CDH12: variants seen among roughly 807,000 people sequenced by gnomAD.
CDH12 encodes cadherin-12.
A neutral mutation model predicts 74.1 loss-of-function variants in CDH12; 41 were observed. The observed-to-expected ratio is 0.55, with a 90% confidence interval of 0.43 to 0.72. The LOEUF (loss-of-function observed/expected upper bound fraction) is 0.72. CDH12 is among the 30% of genes least tolerant of loss of function. The pLI, the probability that CDH12 is intolerant of heterozygous loss-of-function variation, is 0.00. For synonymous variants in CDH12, 399 were observed against 355.0 expected (o/e 1.12, Z -1.39); for missense variants, 945 against 977.2 (o/e 0.97, Z 0.44).
chr5:22,579,904 C>T (rs143319103), intron 1 of CDH12, among the ~76,000 whole-genome samples: 2,272 of 152,228 alleles, frequency 0.015, 18 homozygotes, highest in Middle Eastern at 0.031. Context: ...CTGAGCTCTT[C>T]GAAGAGGCTG....
At chr5:22,588,299 A>G (rs1215890229) in intron 1 of CDH12, among the ~76,000 whole-genome samples, 1 of 152,158 alleles carries the variant, frequency 6.6e-6, no homozygotes, top group African/African-American at 2.4e-5. Context: ...CACAGGAGGA[A>G]TAATGTAAAC....
intron 2 of CDH12, among the ~76,000 whole-genome samples, chr5:22,471,318 C>T (rs1333377973): frequency 6.6e-6 from 1 of 152,112 alleles, no homozygotes; most frequent in East Asian, 1.9e-4. Context: ...TAAGATTTTT[C>T]ATTCTCTTCT....
At chr5:21,932,400 C>T (rs1225904933) in intron 6 of CDH12, among the ~76,000 whole-genome samples, 1 of 152,088 alleles carries the variant, frequency 6.6e-6, no homozygotes, top group African/African-American at 2.4e-5. Context: ...AAACATAAAT[C>T]ATTGTGATTA....
At chr5:21,913,382 C>T (rs1001762028) in intron 6 of CDH12, among the ~76,000 whole-genome samples, 1 of 152,002 alleles carries the variant, frequency 6.6e-6, no homozygotes, top group African/African-American at 2.4e-5. Flanking sequence ...TTCTTGTGAT[C>T]ATTTTGGGAT....
intron 2 of CDH12, among the ~76,000 whole-genome samples, chr5:22,495,857 G>A (rs113684977): frequency 6.9e-4 from 105 of 152,160 alleles, no homozygotes; most frequent in African/African-American, 2.3e-3. Flanking sequence ...TTTTGACATC[G>A]GGGAAACACA....
intron 5 of CDH12, among the ~76,000 whole-genome samples, chr5:22,067,007 A>G (rs2150212077): frequency 6.6e-6 from 1 of 152,298 alleles, no homozygotes; most frequent in South Asian, 2.1e-4. Context: ...TAATGTTGGT[A>G]AAGACCACCA....
Position 21,924,799 on chromosome 5 carries a change from A to G in CDH12, c.526+50292T>C, listed in dbSNP as rs1379344666. Among the ~76,000 whole-genome samples the G allele has an allele frequency of 2.6e-5, 4 of 152,132 alleles. No homozygotes were observed. The East Asian group carries it at 7.7e-4, about 29-fold the overall frequency. ...ATTTTGCTTAGAACACTTACTATCT[A>G]CAATTATTCAAATGTGGCCACTTTT... On this transcript the variant is annotated intron_variant, in intron 6 of 14. Transcript: ENST00000382254.
intron 1 of CDH12, among the ~76,000 whole-genome samples, chr5:22,752,574 C>CTTT (rs1312937004): frequency 3.7e-5 from 1 of 26,934 alleles, no homozygotes; most frequent in Non-Finnish European, 7.1e-5. Context: ...TTTTTTTTTT[C>CTTT]TTTTTTTTTT....
At chr5:22,244,827 TAG>T (rs1287566970) in intron 3 of CDH12, among the ~76,000 whole-genome samples, 4 of 148,726 alleles carry the variant, frequency 2.7e-5, no homozygotes, top group Admixed American at 2.7e-4. Context: ...AGTGGGGAGC[TAG>T]AGAGAGAGGA....
intron 4 of CDH12, among the ~76,000 whole-genome samples, chr5:22,087,465 C>T (rs1743144478): frequency 1.3e-5 from 2 of 151,958 alleles, no homozygotes; most frequent in African/African-American, 4.8e-5. Flanking sequence ...CATGGTGAAA[C>T]CCTGTCTCTA....
intron 2 of CDH12, among the ~76,000 whole-genome samples, chr5:22,427,181 T>G (rs1017504711): frequency 6.6e-6 from 1 of 152,168 alleles, no homozygotes; most frequent in Non-Finnish European, 1.5e-5. Context: ...GAATACTTTT[T>G]TTTTGAGATG....
chr5:22,334,909 C>A (rs1177444839), intron 3 of CDH12, among the ~76,000 whole-genome samples: 1 of 152,034 alleles, frequency 6.6e-6, no homozygotes, highest in Non-Finnish European at 1.5e-5. Flanking sequence ...AGAAAACATG[C>A]AGAAACTCTC....
At chr5:22,105,783 A>C (rs1744406495) in intron 4 of CDH12, among the ~76,000 whole-genome samples, 1 of 152,092 alleles carries the variant, frequency 6.6e-6, no homozygotes, top group African/African-American at 2.4e-5. Context: ...GCCCTATCTT[A>C]ATAACCTCAG....
intron 1 of CDH12, among the ~76,000 whole-genome samples, chr5:22,618,398 G>C (rs964207602): frequency 2.6e-5 from 4 of 152,066 alleles, no homozygotes; most frequent in Middle Eastern, 3.2e-3. Flanking sequence ...TCAGATATAC[G>C]CAATGGCAGC....
chr5:22,510,364 T>A (rs1736550445), intron 1 of CDH12, among the ~76,000 whole-genome samples: 1 of 152,068 alleles, frequency 6.6e-6, no homozygotes, highest in Admixed American at 6.6e-5. Flanking sequence ...ATAAAAAAAT[T>A]GTTATAAAAA....
intron 4 of CDH12, among the ~76,000 whole-genome samples, chr5:22,160,743 C>T (rs537977646): frequency 3.5e-4 from 53 of 152,172 alleles, no homozygotes; most frequent in Non-Finnish European, 6.0e-4. Flanking sequence ...GACCAAGGAG[C>T]TCAACTCCCT....
At chr5:22,248,261 T>C (rs1214364060) in intron 3 of CDH12, among the ~76,000 whole-genome samples, 1 of 152,094 alleles carries the variant, frequency 6.6e-6, no homozygotes, top group East Asian at 1.9e-4. Context: ...ATTGCACCAT[T>C]GCGCTATAGC....
chr5:22,600,466 T>C (rs1359346152), intron 1 of CDH12, among the ~76,000 whole-genome samples: 1 of 152,140 alleles, frequency 6.6e-6, no homozygotes, highest in Non-Finnish European at 1.5e-5. Context: ...TATGGAGCTT[T>C]ACTGTATATA....
intron 1 of CDH12, among the ~76,000 whole-genome samples, chr5:22,738,677 T>C (rs1400345133): frequency 6.6e-6 from 1 of 151,946 alleles, no homozygotes; most frequent in Non-Finnish European, 1.5e-5. Context: ...AAACAATATA[T>C]TTCTTTTACC....
Sources: gnomAD v4.1 joint callset for allele counts (sites outside exome capture counted in the v4.1 genomes callset) on GRCh38, gnomAD v4.1.1 for gene constraint, MANE v1.5 for transcripts, NCBI Gene and HGNC (gene_info 2026-07-23, HGNC 2026-07-21) for gene names.